PTK2: variants seen among roughly 807,000 people sequenced by gnomAD.
PTK2 encodes the protein protein tyrosine kinase 2, also known as focal adhesion kinase 1.
PTK2 carries 45 observed loss-of-function variants against 150.1 expected under a neutral mutation model. That is an observed-to-expected ratio of 0.30 (90% CI 0.24 to 0.38). The LOEUF is 0.38. Among genes scored for constraint, PTK2 ranks in the 10% least tolerant of loss-of-function variants. The pLI, the probability that PTK2 is intolerant of heterozygous loss-of-function variation, is 1.00. For synonymous variants in PTK2, 432 were observed against 449.2 expected (o/e 0.96, Z 0.48); for missense variants, 919 against 1,307.3 (o/e 0.70, Z 4.58).
rs115393434 is a variant in PTK2 at position 140,699,285 on chromosome 8, G to A, written c.2499+1606C>T. 4.3e-3 allele frequency among the ~76,000 whole-genome samples: 656 copies of A among 152,250 alleles called. 3 individuals are homozygous for A. The highest frequency in any genetic ancestry group is 0.015 in the African/African-American group (625 of 41,546). On this transcript the variant is annotated intron_variant, in intron 26 of 31. Transcript: ENST00000522684. The stretch of plus-strand genomic sequence containing the variant: ...TCCTGGCTTCTTTCAGCCATAATAC[G>A]ATTGAGGCAACTACAGGAAGATTGA...
rs543780697 is a variant in PTK2 at position 140,815,160 on chromosome 8, C to T, written c.867+3117G>A. Among the ~76,000 whole-genome samples the T allele has an allele frequency of 3.2e-4, 49 of 151,940 alleles. No homozygotes were observed. In the South Asian group the frequency reaches 0.01, roughly 32 times the overall value. On this transcript the variant is annotated intron_variant, in intron 10 of 31. Transcript: ENST00000522684. ...CCAAGACATGGAATCAACCTAAATG[C>T]CCATCGATGGTAGACTGGATAAAGA... is the stretch of plus-strand genomic sequence containing the variant.
Position 140,660,436 on chromosome 8 carries a change from T to C in PTK2, c.2947-758A>G, listed in dbSNP as rs147166198. On this transcript the variant is annotated intron_variant, in intron 31 of 31. Transcript: ENST00000522684. The stretch of plus-strand genomic sequence containing the variant: ...GGCTATACAAAAAATGGTTTAAGGA[T>C]GGTGGCAGGGCGCAGTGGCTCACTC... Among the ~76,000 whole-genome samples the C allele has an allele frequency of 4.8e-4, 73 of 152,266 alleles. No individual in the cohort carries two copies. In the East Asian group the frequency reaches 0.011, roughly 23 times the overall value.
At chr8:141,000,165 G>A (rs1324047834) in intron 1 of PTK2, among the ~76,000 whole-genome samples, 4 of 144,032 alleles carry the variant, frequency 2.8e-5, no homozygotes, top group Non-Finnish European at 6.0e-5. Context: ...GCTACACAAG[G>A]AACCCAGAGA....
At chr8:140,981,782 T>C (rs547731962) in intron 1 of PTK2, among the ~76,000 whole-genome samples, 4 of 152,222 alleles carry the variant, frequency 2.6e-5, no homozygotes, top group Middle Eastern at 3.4e-3. Context: ...AGGTCACAGG[T>C]GGCCTGCAAA....
chr8:140,854,603 A>G (rs1481467038), intron 5 of PTK2, among the ~76,000 whole-genome samples: 4 of 152,234 alleles, frequency 2.6e-5, no homozygotes, highest in Non-Finnish European at 5.9e-5. Flanking sequence ...GAATACTGTT[A>G]TAACAAGATT....
At chr8:140,692,458 A>G (rs997632291) in intron 26 of PTK2, among the ~76,000 whole-genome samples, 1 of 152,186 alleles carries the variant, frequency 6.6e-6, no homozygotes, top group East Asian at 1.9e-4. Context: ...CTCTACTAAA[A>G]ATACAAAAAT....
intron 31 of PTK2, chr8:140,663,202 C>G (rs1201497259): frequency 1.3e-5 from 2 of 154,876 alleles, no homozygotes; most frequent in African/African-American, 4.8e-5. Flanking sequence ...CAGCCATTCT[C>G]AAGCTGCTCG....
intron 8 of PTK2, chr8:140,821,807 A>T (rs1053353396): frequency 2.0e-5 from 3 of 152,256 alleles, no homozygotes; most frequent in Admixed American, 2.0e-4. Context: ...TTTGAAAAGG[A>T]TTAATTACAG....
chr8:140,896,797 G>GGGT (rs1555343210), intron 2 of PTK2, among the ~76,000 whole-genome samples: 8 of 133,982 alleles, frequency 6.0e-5, no homozygotes, highest in African/African-American at 7.6e-5. Flanking sequence ...ACGGGGGGGG[G>GGGT]GGGTGGGTAA....
At chr8:140,938,761 T>C (rs73714790) in intron 1 of PTK2, among the ~76,000 whole-genome samples, 3,500 of 152,332 alleles carry the variant, frequency 0.023, 122 homozygotes, top group African/African-American at 0.079. Context: ...TCATGATTAC[T>C]GTACAAATGC....
chr8:140,986,633 A>G (rs1000919918), intron 1 of PTK2, among the ~76,000 whole-genome samples: 1 of 152,206 alleles, frequency 6.6e-6, no homozygotes, highest in African/African-American at 2.4e-5. Flanking sequence ...CCAAAACCCC[A>G]CTACAGTAAG....
chr8:140,812,789 C>T (rs1202766984), intron 10 of PTK2, among the ~76,000 whole-genome samples: 1 of 152,048 alleles, frequency 6.6e-6, no homozygotes, highest in South Asian at 2.1e-4. Context: ...CAAAGAAGGG[C>T]ATTACATAAT....
chr8:140,921,116 T>C (rs536992979), intron 2 of PTK2: 1 of 1,283,860 alleles, frequency 7.8e-7, no homozygotes, highest in South Asian at 2.6e-5. Flanking sequence ...TACAGAATCT[T>C]CTCATGCTTC....
At chr8:140,668,378 C>T (rs757750103) in exon 30 of PTK2, 32 of 1,613,734 alleles carry the variant, frequency 2.0e-5, no homozygotes, top group South Asian at 1.3e-4. Context: ...ATCATTCGAC[C>T]GGTCCAGGTT....
At chr8:140,765,125 A>C (rs2100071621) in intron 14 of PTK2, 1 of 152,232 alleles carries the variant, frequency 6.6e-6, no homozygotes, top group South Asian at 2.1e-4. Context: ...GAAAAACGAA[A>C]ATCTTCAGCT....
At chr8:140,816,266 T>C (rs1016148663) in intron 10 of PTK2, among the ~76,000 whole-genome samples, 3 of 152,164 alleles carry the variant, frequency 2.0e-5, no homozygotes, top group Non-Finnish European at 4.4e-5. Context: ...TACTTATGAA[T>C]TGGTTTAATA....
chr8:140,692,817 CG>C lies in PTK2; in HGVS notation c.2500-6124del, dbSNP rs1564480799. Among the ~76,000 whole-genome samples the C allele has an allele frequency of 2.6e-5, 4 of 152,142 alleles. No homozygotes were observed. In the South Asian group the frequency reaches 8.3e-4, roughly 31 times the overall value. On this transcript the variant is annotated intron_variant, in intron 26 of 31. Transcript: ENST00000522684. ...AATAGGAGAGCTGTTGGCCTTGCTGCGTAGCAGAAGCAGGGACAGCAGCCTG... is the reference window on the plus strand; with the variant it reads ...AATAGGAGAGCTGTTGGCCTTGCTGCTAGCAGAAGCAGGGACAGCAGCCTG...
chr8:140,718,480 C>T (rs1182954957), intron 22 of PTK2: 1 of 152,202 alleles, frequency 6.6e-6, no homozygotes, highest in Non-Finnish European at 1.5e-5. Context: ...GCAGATGCCC[C>T]AGGGCTCAGC....
At chr8:140,675,260 T>C (rs1438304147) in intron 28 of PTK2, among the ~76,000 whole-genome samples, 200 bp downstream of exon 31, 1 of 151,490 alleles carries the variant, frequency 6.6e-6, no homozygotes, top group Non-Finnish European at 1.5e-5. Flanking sequence ...TAAGGAGGTA[T>C]TTCTGATGCA....
Sources: gnomAD v4.1 joint callset for allele counts (sites outside exome capture counted in the v4.1 genomes callset) on GRCh38, gnomAD v4.1.1 for gene constraint, MANE v1.5 for transcripts, NCBI Gene and HGNC (gene_info 2026-07-23, HGNC 2026-07-21) for gene names.